Variants in TNPO2 observed in about 807,000 individuals in gnomAD.
TNPO2 encodes transportin-2.
In TNPO2, 16 loss-of-function variants were observed where a neutral mutation model predicts 111.1. The ratio of observed to expected loss-of-function variants is 0.14; its 90% CI spans 0.10 to 0.22. The LOEUF is 0.22. Among genes scored for constraint, TNPO2 ranks in the 10% least tolerant of loss-of-function variants. The pLI is 1.00. For missense variants in TNPO2, 530 were observed against 1,173.7 expected (o/e 0.45, Z 8.01); for synonymous variants, 481 against 475.8 (o/e 1.01, Z -0.14).
chr19:12,701,102 G>T lies in TNPO2; in HGVS notation c.*162C>A. On this transcript the variant is annotated 3_prime_UTR_variant, in exon 26 of 26. Coordinates refer to ENST00000425528, the MANE Select transcript of TNPO2 (RefSeq NM_001382241.1). The surrounding 1 kb of genome is among the most constrained non-coding windows in gnomAD (Gnocchi z 5.0). ...CTGCCAGGAGGGCAAGTGGACGGAT[G>T]GACGGACGGACGGACGGACGGGGAA... The T allele has an allele frequency of 2.5e-6, 1 of 407,744 alleles. No individual in the cohort carries two copies. 25.3% of individuals were successfully genotyped at this position (407,744 alleles called of 1,614,324 possible).
In TNPO2 at chr19:12,701,992, G is replaced by A; in HGVS notation, c.2411+80C>T. 2 of 1,480,022 alleles carry A rather than the reference G, an allele frequency of 1.4e-6. No individual in the cohort carries two copies. Among genetic ancestry groups the A allele is most frequent in the Non-Finnish European group, 1.9e-6 (2 of 1,059,700 alleles). 91.7% of individuals were successfully genotyped at this position (1,480,022 alleles called of 1,614,324 possible). ...AGGGCAGGGAGTCAGTAGGCAGATG[G>A]GGCTGGAAATGCACAGGCGAGGGAG... On this transcript the variant is annotated intron_variant, in intron 22 of 25. Coordinates refer to ENST00000425528, the MANE Select transcript of TNPO2 (RefSeq NM_001382241.1). The surrounding 1 kb of genome is among the most constrained non-coding windows in gnomAD (Gnocchi z 5.0).
At position 12,721,127 on chromosome 19, in the gene TNPO2, C is replaced by G; in HGVS notation, c.-13-137G>C. The G allele has an allele frequency of 6.7e-7, 1 of 1,489,988 alleles. No individual in the cohort carries two copies. Among genetic ancestry groups the G allele is most frequent in the Non-Finnish European group, 8.9e-7 (1 of 1,127,276 alleles). The allele number at this position is 1,489,988 out of a possible 1,614,324, so 92.3% of individuals were successfully genotyped here. A position where few individuals can be genotyped will look rare whatever the true frequency, so the allele number is the denominator to read the frequency against. ...ACAGGCGGAGGCCTCCGATCCACGCCCGCCCAAGTGCGGGGTCCCCGCCAG... is the reference window on the plus strand; with the variant it reads ...ACAGGCGGAGGCCTCCGATCCACGCGCGCCCAAGTGCGGGGTCCCCGCCAG... On this transcript the variant is annotated intron_variant, in intron 2 of 25. Transcript: ENST00000425528. The surrounding 1 kb of genome is among the most constrained non-coding windows in gnomAD (Gnocchi z 4.9).
chr19:12,715,001 A>G lies in TNPO2; in HGVS notation c.771+46T>C, dbSNP rs1599424060. ...TGGGGGTGGCTCCCTGACCCCTGCC[A>G]CCGGCCCCCTGCCTGCCCGCCTGGG... On this transcript the variant is annotated intron_variant, in intron 9 of 25. Transcript: ENST00000425528. This position sits in a 1 kb window ranked among gnomAD's most constrained non-coding sequence, Gnocchi z 7.1. The G allele has an allele frequency of 1.3e-6, 2 of 1,583,766 alleles. No homozygotes were observed. The highest frequency in any genetic ancestry group is 1.7e-6 in the Non-Finnish European group (2 of 1,166,008).
chr19:12,711,891 C>T (rs566992579), intron 10 of TNPO2, among the ~76,000 whole-genome samples: 4 of 148,434 alleles, frequency 2.7e-5, no homozygotes, highest in Admixed American at 2.0e-4. Flanking sequence ...TCTTAAGAAG[C>T]AGGGTCTAAC....
At position 12,715,229 on chromosome 19, in the gene TNPO2, GC is replaced by G. The variant is rs1257427977; in HGVS notation, c.648+13del. On this transcript the variant is annotated intron_variant, in intron 8 of 25. Transcript: ENST00000425528. The surrounding 1 kb of genome is among the most constrained non-coding windows in gnomAD (Gnocchi z 7.1). ...TCAGTCCTCGCCCTGCCCACCCCCA[GC>G]CCAGCGGCCCACCTCGATGAAGGTG... is the stretch of plus-strand genomic sequence containing the variant. 2 of 1,613,666 alleles carry G rather than the reference GC, an allele frequency of 1.2e-6. No homozygotes were observed. The highest frequency in any genetic ancestry group is 1.7e-6 in the Non-Finnish European group (2 of 1,179,806).
chr19:12,717,967 T>A (rs2026455353), intron 5 of TNPO2, among the ~76,000 whole-genome samples: 1 of 151,980 alleles, frequency 6.6e-6, no homozygotes, highest in South Asian at 2.1e-4. Context: ...TAGGCGTGAG[T>A]TACCACACCC....
At chr19:12,711,923 A>G (rs1299297761) in intron 10 of TNPO2, among the ~76,000 whole-genome samples, 3 of 150,442 alleles carry the variant, frequency 2.0e-5, no homozygotes, top group African/African-American at 7.4e-5. Context: ...CAAGCCACCC[A>G]GGCACCGAGG....
Position 12,701,977 on chromosome 19 carries a change from G to T in TNPO2, c.2411+95C>A. The T allele has an allele frequency of 7.0e-7, 1 of 1,425,094 alleles. No homozygotes were observed. The allele number at this position is 1,425,094 out of a possible 1,614,324, so 88.3% of individuals were successfully genotyped here. ...CTGTGGGGGTGGGGCAGGGCAGGGAGTCAGTAGGCAGATGGGGCTGGAAAT... is the reference window on the plus strand; with the variant it reads ...CTGTGGGGGTGGGGCAGGGCAGGGATTCAGTAGGCAGATGGGGCTGGAAAT... On this transcript the variant is annotated intron_variant, in intron 22 of 25. Transcript: ENST00000425528. This position sits in a 1 kb window ranked among gnomAD's most constrained non-coding sequence, Gnocchi z 5.0.
At chr19:12,717,247 T>C (rs2145595890) in intron 5 of TNPO2, among the ~76,000 whole-genome samples, 1 of 150,262 alleles carries the variant, frequency 6.7e-6, no homozygotes, top group African/African-American at 2.5e-5. Context: ...ACTAAGGTTA[T>C]CAGTAGGTTT....
rs375480550 is a variant in TNPO2 at position 12,705,781 on chromosome 19, C to A, written c.1669-13G>T. On this transcript the variant is annotated splice_polypyrimidine_tract_variant and intron_variant, in intron 15 of 25. Coordinates refer to ENST00000425528, the MANE Select transcript of TNPO2 (RefSeq NM_001382241.1). The surrounding 1 kb of genome is among the most constrained non-coding windows in gnomAD (Gnocchi z 7.2). ...TCTGGATGTATTCCTGGAGAGGGAG[C>A]ACGAAATGGGCGCTCCCTGGGTCGG... The A allele has an allele frequency of 1.2e-4, 181 of 1,452,100 alleles. No homozygotes were observed. Among genetic ancestry groups the A allele is most frequent in the Non-Finnish European group, 1.6e-4 (172 of 1,097,620 alleles). 90.0% of individuals were successfully genotyped at this position (1,452,100 alleles called of 1,614,324 possible).
In TNPO2 at chr19:12,715,761, G is replaced by C; in HGVS notation, c.326-22C>G. ...ATGCCTGGGGCGGCCGGGAAAGGAC[G>C]CTGCCTGAGGCTGGGCAGGGGCTGC... is the stretch of plus-strand genomic sequence containing the variant. On this transcript the variant is annotated intron_variant, in intron 5 of 25. Coordinates refer to ENST00000425528, the MANE Select transcript of TNPO2 (RefSeq NM_001382241.1). The surrounding 1 kb of genome is among the most constrained non-coding windows in gnomAD (Gnocchi z 7.1). The C allele has an allele frequency of 6.3e-7, 1 of 1,578,182 alleles. No homozygotes were observed. The highest frequency in any genetic ancestry group is 8.6e-7 in the Non-Finnish European group (1 of 1,162,126).
rs1260486820 is a variant in TNPO2 at position 12,701,241 on chromosome 19, A to C, written c.*23T>G. On this transcript the variant is annotated splice_region_variant and 3_prime_UTR_variant, in exon 26 of 26. Transcript: ENST00000425528. This position sits in a 1 kb window ranked among gnomAD's most constrained non-coding sequence, Gnocchi z 5.0. ...TCCCTCCGACGACGACGCAGACAGA[A>C]ACCTGCAGGGGGAGGAGGAAGGTCA... 3 of 892,532 alleles carry C rather than the reference A, an allele frequency of 3.4e-6. No individual in the cohort carries two copies. Among genetic ancestry groups the C allele is most frequent in the African/African-American group, 3.4e-5 (2 of 58,778 alleles). 55.3% of individuals were successfully genotyped at this position (892,532 alleles called of 1,614,324 possible). A position where few individuals can be genotyped will look rare whatever the true frequency, so the allele number is the denominator to read the frequency against.
At chr19:12,703,144 A>G (rs2025422223) in intron 20 of TNPO2, 1 of 588,224 alleles carries the variant, frequency 1.7e-6, no homozygotes, top group Non-Finnish European at 3.0e-6. Context: ...GGAGTCGCTA[A>G]GGTGACAACA....
rs1453760181 is a variant in TNPO2, at chr19:12,700,110, T to C, written c.*1154A>G. The C allele has an allele frequency of 6.6e-6, 1 of 152,100 alleles. No individual in the cohort carries two copies. Among genetic ancestry groups the C allele is most frequent in the Non-Finnish European group, 1.5e-5 (1 of 68,024 alleles). 9.4% of individuals were successfully genotyped at this position (152,100 alleles called of 1,614,324 possible). ...GGATCTCTGGGCTCACTGGGTACTA[T>C]GATGAGCAGGAAGTCCCAGGGAGAT... On this transcript the variant is annotated 3_prime_UTR_variant, in exon 26 of 26. Coordinates refer to ENST00000425528, the MANE Select transcript of TNPO2 (RefSeq NM_001382241.1).
At position 12,723,315 on chromosome 19, in the gene TNPO2, C is replaced by G. The variant is rs763337999; in HGVS notation, c.-80G>C. 1 of 152,144 alleles carries G rather than the reference C, an allele frequency of 6.6e-6. No homozygotes were observed. Among genetic ancestry groups the G allele is most frequent in the African/African-American group, 2.4e-5 (1 of 41,440 alleles). 9.4% of individuals were successfully genotyped at this position (152,144 alleles called of 1,614,324 possible). On this transcript the variant is annotated 5_prime_UTR_variant, in exon 2 of 26. Coordinates refer to ENST00000425528, the MANE Select transcript of TNPO2 (RefSeq NM_001382241.1). ...AGGGCAGGGTCATGAAGAAAGAAAT[C>G]TTCTTGATCCTTGCGACGTCTGAAG...
At chr19:12,704,574 T>C (rs888341835) in intron 18 of TNPO2, among the ~76,000 whole-genome samples, 1 of 152,232 alleles carries the variant, frequency 6.6e-6, no homozygotes, top group Non-Finnish European at 1.5e-5. Context: ...ATTTTTCCTC[T>C]GAGTATTTTC....
At chr19:12,712,964 C>T (rs904811947) in intron 10 of TNPO2, among the ~76,000 whole-genome samples, 1 of 152,186 alleles carries the variant, frequency 6.6e-6, no homozygotes, top group African/African-American at 2.4e-5. Context: ...CAGCTCACCA[C>T]AGCCTCATGC....
intron 13 of TNPO2, among the ~76,000 whole-genome samples, chr19:12,708,262 G>C (rs1043485526): frequency 1.3e-5 from 2 of 152,056 alleles, no homozygotes; most frequent in Non-Finnish European, 1.5e-5. Context: ...CCTCCCAATA[G>C]CTAGGACTAC....
intron 10 of TNPO2, among the ~76,000 whole-genome samples, chr19:12,714,594 C>G (rs1293055255): frequency 3.9e-5 from 6 of 152,120 alleles, no homozygotes; most frequent in Admixed American, 6.5e-5. Flanking sequence ...TTACAGGTGT[C>G]AGCCACCACA....
Sources: allele counts gnomAD v4.1 joint callset (sites outside exome capture counted in the v4.1 genomes callset), GRCh38; gene constraint gnomAD v4.1.1; non-coding constraint Gnocchi (gnomAD v3.1); transcripts MANE v1.5; gene names NCBI Gene and HGNC (gene_info 2026-07-23, HGNC 2026-07-21).